The following KCNG2 variants were observed in gnomAD, a reference collection of about 807,000 sequenced individuals.
KCNG2 encodes potassium voltage-gated channel modifier subfamily G member 2.
KCNG2 carries 7 observed loss-of-function variants against 12.3 expected under a neutral mutation model. That is an observed-to-expected ratio of 0.57 (90% confidence interval 0.32 to 1.07). The LOEUF is 1.07. Ranked by LOEUF, KCNG2 falls within the 50% of genes least tolerant of loss-of-function variation. KCNG2 has a pLI of 0.04. For synonymous variants in KCNG2, 414 were observed against 351.4 expected, an observed-to-expected ratio of 1.18 and a Z score of -1.99; for missense variants, 703 against 726.0, an observed-to-expected ratio of 0.97 and a Z score of 0.36.
chr18:79,875,553 G>A (rs62103232), intron 3 of KCNG2, among the ~76,000 whole-genome samples: 19,946 of 152,194 alleles, frequency 0.13, 1,415 homozygotes, highest in Middle Eastern at 0.16. Context: ...GGGGTCGGCC[G>A]TGACCCTGAC....
rs1460624840 is a variant in KCNG2, at chr18:79,864,266, C to A, written c.599C>A (p.Pro200Gln). 5.2e-6 allele frequency: 8 copies of A among 1,536,862 alleles called. No homozygotes were observed. Among genetic ancestry groups the A allele is most frequent in the Admixed American group, 1.8e-5 (1 of 55,370 alleles). ...GTGGGCCTCTGCCTGAGCACCATGC[C>A]GGACATCCGCGCCGAGGAGGAGCGG... ...TAVGLCLSTM[P>Q]DIRAEEERGE... Residue 200 changes from proline (P) to glutamine (Q), a missense_variant, in exon 3 of 4, where the codon CCG (proline) becomes CAG (glutamine). By Grantham distance (76) the Pro-to-Gln change is moderately conservative. Coordinates refer to ENST00000316249, the MANE Select transcript of KCNG2 (RefSeq NM_012283.2).
Position 79,884,541 on chromosome 18 carries a change from G to GCTGGGT in KCNG2, c.625-14493_625-14488dup, listed in dbSNP as rs753815573. On this transcript the variant is annotated intron_variant, in intron 3 of 3. Transcript: ENST00000316249. This position sits in a 1 kb window ranked among gnomAD's most constrained non-coding sequence, Gnocchi z 5.5. ...TGTCCCGATGCAGTGGAGGAGCAGG[G>GCTGGGT]CTGGGTCTGGGCCTGGGCCTGGGCG... is the stretch of plus-strand genomic sequence containing the variant. Among the ~76,000 whole-genome samples, 73 of 148,706 alleles carry GCTGGGT rather than the reference G, an allele frequency of 4.9e-4. No homozygotes were observed. Among genetic ancestry groups the GCTGGGT allele is most frequent in the Non-Finnish European group, 7.6e-4 (51 of 66,834 alleles).
chr18:79,802,463 G>A (rs1455011814), intron 1 of KCNG2, among the ~76,000 whole-genome samples: 1 of 152,164 alleles, frequency 6.6e-6, no homozygotes, highest in East Asian at 1.9e-4. Flanking sequence ...CGGAGAGCCT[G>A]GCCTCGACAT....
rs771723963 is a variant in KCNG2, at chr18:79,899,654, C to G, written c.1239C>G (p.Ser413=). The G allele has an allele frequency of 4.4e-6, 7 of 1,606,690 alleles. No individual in the cohort carries two copies. The highest frequency in any genetic ancestry group is 5.9e-6 in the Non-Finnish European group (7 of 1,177,204). The change falls in exon 4 of 4, where the codon TCC becomes TCG. Residue 413 remains serine (S), a synonymous_variant. Transcript: ENST00000316249. ...TCCACACCTTTTCGCGCTCCTACTC[C>G]GAGCTCAAGGAGCAGCAGCAGCGCG... is the stretch of plus-strand genomic sequence containing the variant. ...SIFHTFSRSY[S]ELKEQQQRAA...
rs532022667 is a variant in KCNG2, at chr18:79,805,881, G to A, written c.-115+7867G>A. Reference sequence around the variant, plus strand: ...TCCACATGCACACACACACACACACGTGCACACACACGCGCCTAGGGGACA... The same window carrying A: ...TCCACATGCACACACACACACACACATGCACACACACGCGCCTAGGGGACA... On this transcript the variant is annotated intron_variant, in intron 1 of 3. Transcript: ENST00000316249. Among the ~76,000 whole-genome samples the A allele has an allele frequency of 4.7e-5, 7 of 149,522 alleles. No individual in the cohort carries two copies. The East Asian group carries it at 1.2e-3, about 26-fold the overall frequency.
At chr18:79,896,979 C>T (rs1343094866) in intron 3 of KCNG2, among the ~76,000 whole-genome samples, 1 of 152,156 alleles carries the variant, frequency 6.6e-6, no homozygotes, top group African/African-American at 2.4e-5. Flanking sequence ...TGTAAGTGAT[C>T]TTCATTTTGC....
chr18:79,847,826 G>A (rs542699830), intron 1 of KCNG2, among the ~76,000 whole-genome samples: 4 of 152,322 alleles, frequency 2.6e-5, no homozygotes, highest in South Asian at 4.1e-4. Flanking sequence ...CCCCTGGGCC[G>A]GGCTCATGAT....
Position 79,834,108 on chromosome 18 carries a change from C to T in KCNG2, c.-114-22271C>T, listed in dbSNP as rs565063692. 8.5e-5 allele frequency among the ~76,000 whole-genome samples: 13 copies of T among 152,252 alleles called. No individual in the cohort carries two copies. In the South Asian group the frequency reaches 1.0e-3, roughly 12 times the overall value. Reference sequence around the variant, plus strand: ...CCTTTAAAACCCCTTCACGTTAAAGCGTGTCGAGGTCGGTATCAGTGAAGG... The same window carrying T: ...CCTTTAAAACCCCTTCACGTTAAAGTGTGTCGAGGTCGGTATCAGTGAAGG... On this transcript the variant is annotated intron_variant, in intron 1 of 3. Transcript: ENST00000316249.
At chr18:79,854,250 C>T (rs184715955) in intron 1 of KCNG2, among the ~76,000 whole-genome samples, 2,049 of 152,354 alleles carry the variant, frequency 0.013, 25 homozygotes, top group Non-Finnish European at 0.02. Context: ...GAGCCCCCAG[C>T]CCCTGTGTGA....
At chr18:79,870,050 G>A (rs906507582) in intron 3 of KCNG2, among the ~76,000 whole-genome samples, 1 of 152,226 alleles carries the variant, frequency 6.6e-6, no homozygotes, top group Admixed American at 6.5e-5. Context: ...GCCACCTGGG[G>A]GTGGGCACCG....
intron 1 of KCNG2, among the ~76,000 whole-genome samples, chr18:79,828,508 T>TTA (rs1555691860): frequency 8.2e-5 from 2 of 24,420 alleles, no homozygotes; most frequent in African/African-American, 9.2e-5. Flanking sequence ...TACATGAGTC[T>TTA]GTGTAGTGTA....
chr18:79,805,972 G>A (rs2087446555), intron 1 of KCNG2, among the ~76,000 whole-genome samples: 1 of 152,192 alleles, frequency 6.6e-6, no homozygotes, highest in African/African-American at 2.4e-5. Flanking sequence ...AGTGACAGGT[G>A]GATTGATCCA....
chr18:79,863,354 T>C (rs116263570), intron 2 of KCNG2, among the ~76,000 whole-genome samples: 2,135 of 152,348 alleles, frequency 0.014, 46 homozygotes, highest in African/African-American at 0.046. Flanking sequence ...TTCGACCCCG[T>C]GTTCCAAGTC....
At chr18:79,868,666 C>G (rs1479804611) in intron 3 of KCNG2, among the ~76,000 whole-genome samples, 1 of 152,180 alleles carries the variant, frequency 6.6e-6, no homozygotes, top group Non-Finnish European at 1.5e-5. Flanking sequence ...CTTTTGTCCA[C>G]TTGATTGATG....
chr18:79,897,606 C>T (rs1981025161), intron 3 of KCNG2, among the ~76,000 whole-genome samples: 1 of 152,172 alleles, frequency 6.6e-6, no homozygotes, highest in East Asian at 1.9e-4. Context: ...TCATACTTTC[C>T]TTCTTTTTCT....
At chr18:79,830,262 C>T (rs1246280777) in intron 1 of KCNG2, among the ~76,000 whole-genome samples, 1 of 152,110 alleles carries the variant, frequency 6.6e-6, no homozygotes. Context: ...CAGAACGTGA[C>T]GTGTTGTTTC....
intron 3 of KCNG2, among the ~76,000 whole-genome samples, chr18:79,893,618 G>A (rs904008086): frequency 6.6e-6 from 1 of 151,762 alleles, no homozygotes; most frequent in Non-Finnish European, 1.5e-5. Flanking sequence ...CTGGATATGT[G>A]TCTGCTTTTT....
At chr18:79,883,351 G>A (rs1261905005) in intron 3 of KCNG2, among the ~76,000 whole-genome samples, 4 of 152,210 alleles carry the variant, frequency 2.6e-5, no homozygotes, top group Non-Finnish European at 5.9e-5. Context: ...TTCCAGGACC[G>A]TGATTTGTCC....
At chr18:79,815,330 C>G (rs780799802) in intron 1 of KCNG2, among the ~76,000 whole-genome samples, 8 of 150,866 alleles carry the variant, frequency 5.3e-5, no homozygotes, top group Non-Finnish European at 1.2e-4. Context: ...AGTCCAGTTA[C>G]TTGGGAGGCT....
Sources: allele counts gnomAD v4.1 joint callset (sites outside exome capture counted in the v4.1 genomes callset), GRCh38; gene constraint gnomAD v4.1.1; non-coding constraint Gnocchi (gnomAD v3.1); transcripts MANE v1.5; gene names NCBI Gene and HGNC (gene_info 2026-07-23, HGNC 2026-07-21).